The following TF variants were observed in gnomAD, a reference collection of about 807,000 sequenced individuals.
TF encodes the protein transferrin.
TF carries 55 observed loss-of-function variants against 82.4 expected under a neutral mutation model. That is an observed-to-expected ratio of 0.67 (90% confidence interval 0.54 to 0.84). The LOEUF is 0.84. TF is among the 40% of genes least tolerant of loss of function. TF has a pLI of 0.00. For synonymous variants in TF, 332 were observed against 332.6 expected (o/e 1.00, Z 0.02); for missense variants, 737 against 868.4 (o/e 0.85, Z 1.90).
At position 133,785,218 on chromosome 3, in the gene TF, A is replaced by G; in HGVS notation, c.*6598A>G. 2.8e-5 allele frequency: 2 copies of G among 70,330 alleles called. No individual in the cohort carries two copies. Among genetic ancestry groups the G allele is most frequent in the Admixed American group, 1.5e-4 (1 of 6,684 alleles). The allele number at this position is 70,330 out of a possible 1,614,324, so 4.4% of individuals were successfully genotyped here. A position where few individuals can be genotyped will look rare whatever the true frequency, so the allele number is the denominator to read the frequency against. ...GGCCAGCCGCCCCGTCTGGGAGGTGAGGGGCGCCTCTGCCCGGCCGCCCCT... is the reference window on the plus strand; with the variant it reads ...GGCCAGCCGCCCCGTCTGGGAGGTGGGGGGCGCCTCTGCCCGGCCGCCCCT... On this transcript the variant is annotated 3_prime_UTR_variant, in exon 17 of 17. Coordinates refer to ENST00000402696, the MANE Select transcript of TF (RefSeq NM_001063.4).
rs1934901567 is a variant in TF, at chr3:133,793,709, T to G, written c.*15089T>G. 1 of 152,162 alleles carries G rather than the reference T, an allele frequency of 6.6e-6. No individual in the cohort carries two copies. The highest frequency in any genetic ancestry group is 2.1e-4 in the South Asian group (1 of 4,830). The allele number at this position is 152,162 out of a possible 1,614,324, so 9.4% of individuals were successfully genotyped here. A position where few individuals can be genotyped will look rare whatever the true frequency, so the allele number is the denominator to read the frequency against. The stretch of plus-strand genomic sequence containing the variant: ...AACTATTTAAAGTCATTTCCACAGT[T>G]AATTGCTTAATGCTGATGCAGTTTC... On this transcript the variant is annotated 3_prime_UTR_variant, in exon 17 of 17. Transcript: ENST00000402696.
Position 133,748,483 on chromosome 3 carries a change from CAG to C in TF, c.118_119del (p.Ser40PhefsTer26), listed in dbSNP as rs1576354313. ...AVSEHEATKC[Q>X]SFRDHMKSVI... Reference sequence around the variant, plus strand: ...GTCGGAGCATGAGGCCACTAAGTGCCAGAGTTTCCGCGACCATATGAAAAGCG... The same window carrying C: ...GTCGGAGCATGAGGCCACTAAGTGCCAGTTTCCGCGACCATATGAAAAGCG... On this transcript the variant is annotated frameshift_variant, in exon 2 of 17. Transcript: ENST00000402696. LOFTEE classifies it high-confidence loss of function. 2 of 1,614,106 alleles carry C rather than the reference CAG, an allele frequency of 1.2e-6. No homozygotes were observed. Among genetic ancestry groups the C allele is most frequent in the Non-Finnish European group, 1.7e-6 (2 of 1,180,030 alleles).
In TF at chr3:133,794,072, A is replaced by T. The variant is rs972030518; in HGVS notation, c.*15452A>T. On this transcript the variant is annotated 3_prime_UTR_variant, in exon 17 of 17. Coordinates refer to ENST00000402696, the MANE Select transcript of TF (RefSeq NM_001063.4). ...TACCTATGATAACCCATCAGTTATC[A>T]GTGTTATGCACCTAATTTGGGGAAA... 6.6e-6 allele frequency: 1 copy of T among 152,252 alleles called. No individual in the cohort carries two copies. Among genetic ancestry groups the T allele is most frequent in the Non-Finnish European group, 1.5e-5 (1 of 68,034 alleles). The allele number at this position is 152,252 out of a possible 1,614,324, so 9.4% of individuals were successfully genotyped here.
At chr3:133,764,092 G>T in intron 9 of TF, 90 bp from the exon 10 acceptor site, 1 of 1,120,204 alleles carries the variant, frequency 8.9e-7, no homozygotes, top group East Asian at 2.4e-5. Context: ...TTCATGTGCT[G>T]GAAAGGCTGC....
chr3:133,710,767 C>A, the TF span, among the ~76,000 whole-genome samples: 1 of 152,132 alleles, frequency 6.6e-6, no homozygotes, highest in African/African-American at 2.4e-5. Flanking sequence ...GTAAACACAC[C>A]GAATGTTTTC....
intron 7 of TF, 110 bp from the exon 8 acceptor site, chr3:133,757,659 C>A: frequency 9.0e-7 from 1 of 1,106,588 alleles, no homozygotes; most frequent in Non-Finnish European, 1.4e-6. Context: ...CTCCTGGCAT[C>A]TTGAACTTTT....
chr3:133,764,452 G>A (rs1361866778), intron 10 of TF, among the ~76,000 whole-genome samples, 177 bp downstream of exon 10: 2 of 152,178 alleles, frequency 1.3e-5, no homozygotes, highest in Non-Finnish European at 2.9e-5. Flanking sequence ...CATCTTGAAG[G>A]TTGGGAGTTA....
the TF span, among the ~76,000 whole-genome samples, chr3:133,692,122 G>T: frequency 6.6e-6 from 1 of 152,252 alleles, no homozygotes; most frequent in Non-Finnish European, 1.5e-5. Flanking sequence ...ACCCAGTGGG[G>T]TCTCACCCAT....
the TF span, among the ~76,000 whole-genome samples, chr3:133,730,018 T>A: frequency 1.3e-5 from 2 of 152,332 alleles, no homozygotes; most frequent in East Asian, 3.9e-4. Context: ...TGTGGTGTCA[T>A]ATTCTCTTGC....
intron 8 of TF, among the ~76,000 whole-genome samples, 157 bp downstream of exon 8, chr3:133,758,103 C>T (rs1933890474): frequency 6.6e-6 from 1 of 152,148 alleles, no homozygotes; most frequent in African/African-American, 2.4e-5. Context: ...TGCTGAATGG[C>T]GTTAGTCATT....
At position 133,757,016 on chromosome 3, in the gene TF, C is replaced by A; in HGVS notation, c.870+7C>A. 1 of 1,614,152 alleles carries A rather than the reference C, an allele frequency of 6.2e-7. No homozygotes were observed. The highest frequency in any genetic ancestry group is 8.5e-7 in the Non-Finnish European group (1 of 1,180,022). ...GCTTCTCAACCAGGCCCAGGTATCC[C>A]CACCTGCCATCCTCCCCTCCAGCTT... On this transcript the variant is annotated splice_region_variant and intron_variant, in intron 7 of 16. Transcript: ENST00000402696.
intron 2 of TF, among the ~76,000 whole-genome samples, chr3:133,752,347 C>T (rs986042073): frequency 6.6e-6 from 1 of 152,106 alleles, no homozygotes; most frequent in Non-Finnish European, 1.5e-5. Flanking sequence ...ATCCACTTGC[C>T]TAGGCTTCCC....
chr3:133,763,575 C>G (rs577659580), intron 9 of TF, among the ~76,000 whole-genome samples: 1 of 152,242 alleles, frequency 6.6e-6, no homozygotes, highest in South Asian at 2.1e-4. Context: ...TCTGATTGTT[C>G]TTTTATGGTT....
chr3:133,750,251 G>A (rs751743512), intron 2 of TF, among the ~76,000 whole-genome samples: 2 of 152,248 alleles, frequency 1.3e-5, no homozygotes, highest in African/African-American at 4.8e-5. Flanking sequence ...AAGGGGAACC[G>A]GGCCATCCTA....
chr3:133,701,424 G>A, the TF span, among the ~76,000 whole-genome samples: 1 of 152,172 alleles, frequency 6.6e-6, no homozygotes, highest in Non-Finnish European at 1.5e-5. Context: ...GGATCTCTAT[G>A]GTTTATTTCT....
the TF span, among the ~76,000 whole-genome samples, chr3:133,699,140 C>T: frequency 6.6e-6 from 1 of 152,242 alleles, no homozygotes; most frequent in African/African-American, 2.4e-5. Context: ...TTCAGCAAGT[C>T]TTTGATGAGC....
chr3:133,740,614 A>T, the TF span, among the ~76,000 whole-genome samples: 31 of 152,272 alleles, frequency 2.0e-4, no homozygotes, highest in African/African-American at 7.2e-4. Flanking sequence ...TACAGGCATG[A>T]GCCACCGTGC....
At chr3:133,746,149 G>A (rs916583868), upstream of TF, 12 of 520,976 alleles carry the variant, frequency 2.3e-5, 1 homozygote, top group African/African-American at 3.8e-5. Context: ...CGAGCGAGCC[G>A]CGATGACAAT....
the TF span, among the ~76,000 whole-genome samples, chr3:133,738,887 C>A: frequency 6.6e-6 from 1 of 152,182 alleles, no homozygotes; most frequent in Non-Finnish European, 1.5e-5. Context: ...GGCCATACTG[C>A]CCAAAGTAAT....
Sources: gnomAD v4.1 joint callset for allele counts (sites outside exome capture counted in the v4.1 genomes callset) on GRCh38, gnomAD v4.1.1 for gene constraint, MANE v1.5 for transcripts, NCBI Gene and HGNC (gene_info 2026-07-23, HGNC 2026-07-21) for gene names.